Variants in TPCN2 observed in about 807,000 individuals in gnomAD.
TPCN2 encodes two pore segment channel 2, also known as two pore channel protein 2.
In TPCN2, 92 loss-of-function variants were observed where a neutral mutation model predicts 111.4. That is an observed-to-expected ratio of 0.83 (90% CI 0.70 to 0.98). TPCN2 has a LOEUF of 0.98. Ranked by LOEUF, TPCN2 falls within the 50% of genes least tolerant of loss-of-function variation. The pLI is 0.00. For synonymous variants in TPCN2, 405 were observed against 414.5 expected (o/e 0.98, Z 0.28); for missense variants, 995 against 980.1 (o/e 1.02, Z -0.20).
intron 1 of TPCN2, among the ~76,000 whole-genome samples, chr11:69,051,484 G>A (rs1861223709): frequency 6.6e-6 from 1 of 152,194 alleles, no homozygotes; most frequent in South Asian, 2.1e-4. Context: ...CTTGCCCAGG[G>A]TCACAGAGGA....
intron 7 of TPCN2, 79 bp downstream of exon 7, chr11:69,064,046 C>G (rs754321477): frequency 5.8e-6 from 8 of 1,378,016 alleles, no homozygotes; most frequent in Middle Eastern, 1.8e-4. Context: ...CTGGTGTCTG[C>G]TGCCCTGGCC....
At position 69,088,756 on chromosome 11, in the gene TPCN2, G is replaced by A. The variant is rs3018681; in HGVS notation, c.*803G>A. 6.6e-6 allele frequency: 1 copy of A among 152,166 alleles called. No homozygotes were observed. Among genetic ancestry groups the A allele is most frequent in the African/African-American group, 2.4e-5 (1 of 41,390 alleles). The allele number at this position is 152,166 out of a possible 1,614,324, so 9.4% of individuals were successfully genotyped here. ...GGCCTGGGGTGGGGAGGTGGGGCGA[G>A]CGAGCAGTGTGTGGAAAGCCTTGTT... On this transcript the variant is annotated 3_prime_UTR_variant, in exon 25 of 25. Coordinates refer to ENST00000294309, the MANE Select transcript of TPCN2 (RefSeq NM_139075.4).
chr11:69,049,785 T>G (rs1454864220), intron 1 of TPCN2, among the ~76,000 whole-genome samples: 1 of 152,170 alleles, frequency 6.6e-6, no homozygotes, highest in African/African-American at 2.4e-5. Flanking sequence ...GTCTGAAGAT[T>G]GCTGAATCCG....
intron 6 of TPCN2, among the ~76,000 whole-genome samples, chr11:69,063,455 C>T (rs1031044248): frequency 3.3e-5 from 5 of 152,038 alleles, no homozygotes; most frequent in African/African-American, 4.8e-5. Context: ...TCTCTCCCTG[C>T]GCCCCAGGCC....
At chr11:69,061,413 G>C (rs114255604) in intron 5 of TPCN2, among the ~76,000 whole-genome samples, 1 of 152,206 alleles carries the variant, frequency 6.6e-6, no homozygotes, top group African/African-American at 2.4e-5. Context: ...ACAGCTCTGC[G>C]TTTCTAAAAC....
At chr11:69,082,671 T>C (rs1003400466) in intron 18 of TPCN2, among the ~76,000 whole-genome samples, 3 of 140,722 alleles carry the variant, frequency 2.1e-5, no homozygotes, top group Non-Finnish European at 3.1e-5. Flanking sequence ...CCATGTGAAC[T>C]CGTGCCCGTG....
intron 18 of TPCN2, among the ~76,000 whole-genome samples, chr11:69,082,362 A>G (rs1856052149): frequency 6.6e-6 from 1 of 152,292 alleles, no homozygotes; most frequent in Non-Finnish European, 1.5e-5. Flanking sequence ...GATCATACAC[A>G]GTCACACATA....
At chr11:69,074,695 T>C (rs1052671940) in intron 13 of TPCN2, among the ~76,000 whole-genome samples, 6 of 152,172 alleles carry the variant, frequency 3.9e-5, no homozygotes, top group Non-Finnish European at 8.8e-5. Flanking sequence ...GTCTAAATTG[T>C]TACAAGGAGA....
chr11:69,088,035 G>C lies in TPCN2; in HGVS notation c.*82G>C. ...TGCCCGTCATGGAAGAGGCGGCCAT[G>C]CTGTGGCCAGCCAGGCAGGAAGAGA... On this transcript the variant is annotated 3_prime_UTR_variant, in exon 25 of 25. Transcript: ENST00000294309. 1 of 1,239,918 alleles carries C rather than the reference G, an allele frequency of 8.1e-7. No individual in the cohort carries two copies. 76.8% of individuals were successfully genotyped at this position (1,239,918 alleles called of 1,614,324 possible). A position where few individuals can be genotyped will look rare whatever the true frequency, so the allele number is the denominator to read the frequency against.
Position 69,079,009 on chromosome 11 carries a change from G to T in TPCN2, c.1528G>T (p.Val510Phe), listed in dbSNP as rs141343677. The change falls in exon 16 of 25, where the codon GTT becomes TTT. Residue 510 changes from valine to phenylalanine, a missense_variant. Coordinates refer to ENST00000294309, the MANE Select transcript of TPCN2 (RefSeq NM_139075.4). ...CAACGTGTTTGACGGGCTCCTCACCGTTGTCCTGCTGGTAAAGTAGGCGCA... is the reference window on the plus strand; with the variant it reads ...CAACGTGTTTGACGGGCTCCTCACCTTTGTCCTGCTGGTAAAGTAGGCGCA... The part of the protein sequence containing the change: ...PSNVFDGLLT[V>F]VLLVLEISTL... The T allele has an allele frequency of 3.6e-5, 58 of 1,610,894 alleles. No homozygotes were observed. The highest frequency in any genetic ancestry group is 4.4e-5 in the Non-Finnish European group (52 of 1,178,502).
chr11:69,049,198 G>T (rs1248597496), intron 1 of TPCN2, 92 bp downstream of exon 1: 2 of 882,006 alleles, frequency 2.3e-6, no homozygotes, highest in East Asian at 6.7e-5. Context: ...TTTCTGCCGG[G>T]CGCGCCCCCA....
chr11:69,064,054 G>A (rs954575692), intron 7 of TPCN2, 87 bp downstream of exon 7: 2 of 1,328,194 alleles, frequency 1.5e-6, no homozygotes, highest in Non-Finnish European at 2.1e-6. Context: ...TGCTGCCCTG[G>A]CCTAACCCAT....
Position 69,072,988 on chromosome 11 carries a change from G to C in TPCN2, c.1217G>C (p.Ser406Thr). ...FQKLFNELDRSVVKEHPPRPE... is the reference protein window; with the variant it reads ...FQKLFNELDRTVVKEHPPRPE... Reference sequence around the variant, plus strand: ...AAGCTCTTCAACGAGCTTGACAGAAGTGTGGTTAAAGAGGTAACTGGGGCC... The same window carrying C: ...AAGCTCTTCAACGAGCTTGACAGAACTGTGGTTAAAGAGGTAACTGGGGCC... Residue 406 changes from serine to threonine, a missense_variant, in exon 13 of 25, where the codon AGT becomes ACT. By Grantham distance (58) the Ser-to-Thr change is moderately conservative. Transcript: ENST00000294309. The C allele has an allele frequency of 6.2e-7, 1 of 1,613,804 alleles. No individual in the cohort carries two copies. Among genetic ancestry groups the C allele is most frequent in the Non-Finnish European group, 8.5e-7 (1 of 1,179,838 alleles).
rs547831211 is a variant in TPCN2 at position 69,072,591 on chromosome 11, G to A, written c.1062-36G>A. 9 of 1,610,398 alleles carry A rather than the reference G, an allele frequency of 5.6e-6. No homozygotes were observed. In the East Asian group the frequency reaches 1.8e-4, roughly 32 times the overall value. On this transcript the variant is annotated intron_variant, in intron 11 of 24. Transcript: ENST00000294309. ...GCCAGGGTTCCAAGGGAGCCGAGCT[G>A]GCTGTGCTCACCGGGCTGTGGGTTT... is the stretch of plus-strand genomic sequence containing the variant.
At chr11:69,063,139 T>G in intron 6 of TPCN2, 149 bp downstream of exon 6, 1 of 680,214 alleles carries the variant, frequency 1.5e-6, no homozygotes. Context: ...GGGAGGCTGC[T>G]GGGGGGCTTT....
intron 13 of TPCN2, 77 bp downstream of exon 13, chr11:69,073,078 T>C (rs1304512982): frequency 1.9e-6 from 2 of 1,080,444 alleles, no homozygotes; most frequent in African/African-American, 3.1e-5. Context: ...CCTGGGGAAC[T>C]CTTCTAATGA....
chr11:69,064,682 G>C (rs1244248258), intron 7 of TPCN2, among the ~76,000 whole-genome samples: 2 of 152,244 alleles, frequency 1.3e-5, no homozygotes, highest in Non-Finnish European at 2.9e-5. Context: ...TGCTCAGCCT[G>C]CGCTGCTGTT....
chr11:69,086,519 G>T lies in TPCN2; in HGVS notation c.2004-4G>T, dbSNP rs751114496. 2.5e-6 allele frequency: 4 copies of T among 1,613,910 alleles called. No homozygotes were observed. The South Asian group carries it at 3.3e-5, about 13-fold the overall frequency. ...TTCACAGGGTGGGTCTCTGTCCTCCGCAGGTGGTCCAAGATCTATTTTGTA... is the reference window on the plus strand; with the variant it reads ...TTCACAGGGTGGGTCTCTGTCCTCCTCAGGTGGTCCAAGATCTATTTTGTA... On this transcript the variant is annotated splice_region_variant and splice_polypyrimidine_tract_variant and intron_variant, in intron 22 of 24. Coordinates refer to ENST00000294309, the MANE Select transcript of TPCN2 (RefSeq NM_139075.4).
At chr11:69,071,567 G>A (rs1033928871) in intron 10 of TPCN2, 147 bp downstream of exon 10, 13 of 712,386 alleles carry the variant, frequency 1.8e-5, no homozygotes, top group Admixed American at 1.5e-4. Flanking sequence ...TGGATCAGCC[G>A]GGGATGCACA....
Sources: allele counts gnomAD v4.1 joint callset (sites outside exome capture counted in the v4.1 genomes callset), GRCh38; gene constraint gnomAD v4.1.1; transcripts MANE v1.5; gene names NCBI Gene and HGNC (gene_info 2026-07-23, HGNC 2026-07-21).